ZNF543: variants seen among roughly 807,000 people sequenced by gnomAD.
The protein encoded by ZNF543 is zinc finger protein 543.
A neutral mutation model predicts 13.4 loss-of-function variants in ZNF543; 10 were observed. That is an observed-to-expected ratio of 0.75 (90% confidence interval 0.46 to 1.26). The LOEUF is 1.26. Ranked by LOEUF, ZNF543 falls within the 50% of genes most tolerant of loss-of-function variation. ZNF543 has a pLI of 0.00. For synonymous variants in ZNF543, 272 were observed against 264.7 expected (o/e 1.03, Z -0.27); for missense variants, 768 against 741.2 (o/e 1.04, Z -0.42).
Position 57,329,153 on chromosome 19 carries a change from T to G in ZNF543, c.1691T>G (p.Ile564Ser). 6.2e-7 allele frequency: 1 copy of G among 1,614,206 alleles called. No homozygotes were observed. The highest frequency in any genetic ancestry group is 8.5e-7 in the Non-Finnish European group (1 of 1,180,034). ...ATTCATACTGGGAGAAACCCTACCA[T>G]TGTAACAGATGTGGGAAGACCTTTT... ...QRIHTGRNPT[I>S]VTDVGRPFMT... Residue 564 changes from isoleucine (I) to serine (S), a missense_variant, in exon 4 of 4, where the codon ATT becomes AGT. Around this residue, in one of 3 missense-constraint regions of ZNF543, gnomAD observed 677 missense variants for 631.4 expected, o/e 1.07. Transcript: ENST00000321545.
At chr19:57,322,294 C>G (rs1327601002) in intron 1 of ZNF543, among the ~76,000 whole-genome samples, 5 of 91,526 alleles carry the variant, frequency 5.5e-5, no homozygotes. Flanking sequence ...GAGGCAGGTG[C>G]CACCACCTCA....
chr19:57,328,981 T>G lies in ZNF543; in HGVS notation c.1519T>G (p.Tyr507Asp). The G allele has an allele frequency of 6.2e-7, 1 of 1,614,178 alleles. No individual in the cohort carries two copies. The highest frequency in any genetic ancestry group is 8.5e-7 in the Non-Finnish European group (1 of 1,180,028). The change falls in exon 4 of 4, where the codon TAT (tyrosine) becomes GAT (aspartate). Residue 507 changes from tyrosine to aspartate, a missense_variant. Physicochemically the swap from Tyr to Asp is radical, Grantham distance 160. Coordinates refer to ENST00000321545, the MANE Select transcript of ZNF543 (RefSeq NM_213598.4). The stretch of plus-strand genomic sequence containing the variant: ...ACAGATTCACACTGGAGAGAAACCC[T>G]ATGAATGCATCCAGTGTGGGAAAGC... The part of the protein sequence containing the change: ...HQQIHTGEKP[Y>D]ECIQCGKAFC...
At position 57,323,802 on chromosome 19, in the gene ZNF543, T is replaced by C; in HGVS notation, c.139T>C (p.Ser47Pro). Residue 47 changes from serine (S) to proline (P), a missense_variant, in exon 2 of 4, where the codon TCT (serine) becomes CCT (proline). Physicochemically the swap from Ser to Pro is moderately conservative, Grantham distance 74. Coordinates refer to ENST00000321545, the MANE Select transcript of ZNF543 (RefSeq NM_213598.4). Reference sequence around the variant, plus strand: ...GCTGGAGACCTGCGGACTTCTCATGTCTCTGGGTAAGGCCCCTTCTGGTCC... The same window carrying C: ...GCTGGAGACCTGCGGACTTCTCATGCCTCTGGGTAAGGCCCCTTCTGGTCC... ...VMLETCGLLM[S>P]LGCPLFKPEL... The C allele has an allele frequency of 6.2e-7, 1 of 1,612,482 alleles. No homozygotes were observed. Among genetic ancestry groups the C allele is most frequent in the Admixed American group, 1.7e-5 (1 of 59,968 alleles).
chr19:57,323,125 T>C (rs1002912526), intron 1 of ZNF543, among the ~76,000 whole-genome samples: 31 of 152,066 alleles, frequency 2.0e-4, no homozygotes, highest in African/African-American at 7.0e-4. Context: ...CCCCTTAGGA[T>C]TGTCCTAACC....
In ZNF543 at chr19:57,326,690, G is replaced by A. The variant is rs150392165; in HGVS notation, c.203G>A (p.Trp68Ter). The A allele has an allele frequency of 5.9e-3, 9,558 of 1,613,884 alleles. 35 individuals are homozygous for A. Among genetic ancestry groups the A allele is most frequent in the Admixed American group, 7.3e-3 (437 of 60,014 alleles). ...IYQLDHRQELWMATKDLSQSS... is the reference protein window; with the variant it reads ...IYQLDHRQEL ...CAGTTGGATCACAGACAGGAGCTAT[G>A]GATGGCTACAAAAGACCTCTCCCAA... The change falls in exon 3 of 4, where the codon TGG becomes TAG. Residue 68 changes from tryptophan (W) to a stop codon, truncating the protein, a stop_gained. Coordinates refer to ENST00000321545, the MANE Select transcript of ZNF543 (RefSeq NM_213598.4). LOFTEE classifies it low-confidence loss of function (END_TRUNC).
intron 2 of ZNF543, among the ~76,000 whole-genome samples, chr19:57,324,570 G>GT (rs1407720352): frequency 2.0e-5 from 3 of 152,110 alleles, no homozygotes; most frequent in Non-Finnish European, 4.4e-5. Flanking sequence ...ACTTTGTATA[G>GT]TTTTTTAGTT....
At position 57,328,159 on chromosome 19, in the gene ZNF543, G is replaced by A; in HGVS notation, c.697G>A (p.Gly233Arg). ...QVKPYECTECGKTFSKSTHLL... is the reference protein window; with the variant it reads ...QVKPYECTECRKTFSKSTHLL... ...GAAGCCCTATGAATGCACAGAGTGT[G>A]GGAAAACCTTTAGCAAGAGCACTCA... is the stretch of plus-strand genomic sequence containing the variant. The change falls in exon 4 of 4, where the codon GGG (glycine) becomes AGG (arginine). Residue 233 changes from glycine (G) to arginine (R), a missense_variant. This residue lies in a region of ZNF543 where 677 missense variants were observed against 631.4 expected (regional missense o/e 1.07). Transcript: ENST00000321545. 1.2e-6 allele frequency: 2 copies of A among 1,614,210 alleles called. No homozygotes were observed. Among genetic ancestry groups the A allele is most frequent in the South Asian group, 1.1e-5 (1 of 91,088 alleles).
At chr19:57,324,544 C>A (rs13345625) in intron 2 of ZNF543, among the ~76,000 whole-genome samples, 60,123 of 151,874 alleles carry the variant, frequency 0.4, 12,575 homozygotes, top group African/African-American at 0.52. Context: ...ACTTGGACTC[C>A]GCAGTTTTTG....
chr19:57,324,586 G>A (rs577557355), intron 2 of ZNF543, among the ~76,000 whole-genome samples: 1 of 152,248 alleles, frequency 6.6e-6, no homozygotes, highest in African/African-American at 2.4e-5. Flanking sequence ...TAGTTAAATT[G>A]GCCAGATGCT....
At chr19:57,325,036 C>T (rs560104370) in intron 2 of ZNF543, among the ~76,000 whole-genome samples, 3 of 152,170 alleles carry the variant, frequency 2.0e-5, no homozygotes, top group African/African-American at 4.8e-5. Context: ...GGCCAGGTGG[C>T]ATATTGATTA....
At chr19:57,321,281 T>G (rs931151725) in intron 1 of ZNF543, among the ~76,000 whole-genome samples, 1 of 152,228 alleles carries the variant, frequency 6.6e-6, no homozygotes, top group African/African-American at 2.4e-5. Flanking sequence ...CCCTTTGCCT[T>G]GAACACTGCC....
rs1394255817 is a variant in ZNF543 at position 57,329,222 on chromosome 19, GGAAA to G, written c.1763_1766del (p.Lys588SerfsTer3). On this transcript the variant is annotated frameshift_variant, in exon 4 of 4. Coordinates refer to ENST00000321545, the MANE Select transcript of ZNF543 (RefSeq NM_213598.4). LOFTEE classifies it low-confidence loss of function (END_TRUNC). ...GTCAACATCCAGGAACTTTTATTAG[GGAAA>G]GAGTTTTTGAATATCACCACTGAAG... is the stretch of plus-strand genomic sequence containing the variant. 4 of 1,611,746 alleles carry G rather than the reference GGAAA, an allele frequency of 2.5e-6. No homozygotes were observed. The highest frequency in any genetic ancestry group is 3.4e-6 in the Non-Finnish European group (4 of 1,178,730).
chr19:57,320,779 C>T lies in ZNF543; in HGVS notation c.-75C>T. 6.3e-7 allele frequency: 1 copy of T among 1,598,590 alleles called. No individual in the cohort carries two copies. The highest frequency in any genetic ancestry group is 8.5e-7 in the Non-Finnish European group (1 of 1,170,412). ...GCGAAAGTCAGCCGAGGTCGCCCCG[C>T]CCAGGACAGAGAAGGGCTGGGGGTC... On this transcript the variant is annotated 5_prime_UTR_variant, in exon 1 of 4. Transcript: ENST00000321545.
chr19:57,330,654 G>C lies in ZNF543; in HGVS notation c.*1389G>C, dbSNP rs1259277550. On this transcript the variant is annotated 3_prime_UTR_variant, in exon 4 of 4. Transcript: ENST00000321545. Reference sequence around the variant, plus strand: ...GCTTGATTAAAATGCTACACATTTAGAGCGTTTTGTAATTCCTTTTTTATA... The same window carrying C: ...GCTTGATTAAAATGCTACACATTTACAGCGTTTTGTAATTCCTTTTTTATA... 6.6e-6 allele frequency: 1 copy of C among 152,156 alleles called. No individual in the cohort carries two copies. Among genetic ancestry groups the C allele is most frequent in the Non-Finnish European group, 1.5e-5 (1 of 68,040 alleles). 9.4% of individuals were successfully genotyped at this position (152,156 alleles called of 1,614,324 possible).
At chr19:57,320,933 G>C (rs904793191) in intron 1 of ZNF543, 62 bp downstream of exon 1, 1 of 1,607,466 alleles carries the variant, frequency 6.2e-7, no homozygotes, top group African/African-American at 1.3e-5. Context: ...TCGTGGGCAG[G>C]CAGAAGCCAA....
chr19:57,325,812 C>G (rs2088117249), intron 2 of ZNF543, among the ~76,000 whole-genome samples: 1 of 152,158 alleles, frequency 6.6e-6, no homozygotes, highest in Non-Finnish European at 1.5e-5. Context: ...AGCCACTGTG[C>G]CCAGCCTCTT....
chr19:57,320,813 C>G lies in ZNF543; in HGVS notation c.-41C>G. Reference sequence around the variant, plus strand: ...GAGAAGGGCTGGGGGTCGGCTGAGCCGCGGCATTCCCGGGCCCCGCTAGGG... The same window carrying G: ...GAGAAGGGCTGGGGGTCGGCTGAGCGGCGGCATTCCCGGGCCCCGCTAGGG... On this transcript the variant is annotated 5_prime_UTR_variant, in exon 1 of 4. Transcript: ENST00000321545. 6.2e-7 allele frequency: 1 copy of G among 1,612,752 alleles called. No homozygotes were observed. Among genetic ancestry groups the G allele is most frequent in the Non-Finnish European group, 8.5e-7 (1 of 1,179,536 alleles).
chr19:57,326,579 G>T, intron 2 of ZNF543, 54 bp from the exon 3 acceptor site: 1 of 1,390,100 alleles, frequency 7.2e-7, no homozygotes, highest in Non-Finnish European at 1.0e-6. Context: ...CAGATTGACA[G>T]GTTTCTTTCT....
chr19:57,328,134 G>A lies in ZNF543; in HGVS notation c.672G>A (p.Val224=). 6.2e-7 allele frequency: 1 copy of A among 1,614,220 alleles called. No individual in the cohort carries two copies. The highest frequency in any genetic ancestry group is 8.5e-7 in the Non-Finnish European group (1 of 1,180,012). Residue 224 remains valine (V), a synonymous_variant, in exon 4 of 4, where the codon GTG becomes GTA. Transcript: ENST00000321545. ...LVQHERIHTQ[V]KPYECTECGK... Reference sequence around the variant, plus strand: ...AGCATGAACGGATTCACACTCAAGTGAAGCCCTATGAATGCACAGAGTGTG... The same window carrying A: ...AGCATGAACGGATTCACACTCAAGTAAAGCCCTATGAATGCACAGAGTGTG...
Sources: gnomAD v4.1 joint callset for allele counts (sites outside exome capture counted in the v4.1 genomes callset) on GRCh38, gnomAD v4.1.1 for gene constraint, gnomAD v4.1.1 regional missense constraint, MANE v1.5 for transcripts, NCBI Gene and HGNC (gene_info 2026-07-23, HGNC 2026-07-21) for gene names.